LDB2: variants seen among roughly 807,000 people sequenced by gnomAD.
The protein encoded by LDB2 is LIM domain binding 2.
In LDB2, 12 loss-of-function variants were observed where a neutral mutation model predicts 44.3. The ratio of observed to expected loss-of-function variants is 0.27; its 90% confidence interval spans 0.17 to 0.44. LDB2 has a LOEUF of 0.44. LDB2 is among the 20% of genes least tolerant of loss of function. The pLI is 1.00. For synonymous variants in LDB2, 164 were observed against 174.8 expected (o/e 0.94, Z 0.49); for missense variants, 344 against 473.5 (o/e 0.73, Z 2.54).
intron 2 of LDB2, among the ~76,000 whole-genome samples, chr4:16,651,009 C>T (rs779881131): frequency 4.7e-4 from 71 of 152,294 alleles, no homozygotes; most frequent in Middle Eastern, 3.4e-3. Flanking sequence ...CCTTCTTTCA[C>T]CCTATATTTC....
chr4:16,876,072 T>C (rs1322709212), intron 1 of LDB2, among the ~76,000 whole-genome samples: 1 of 152,198 alleles, frequency 6.6e-6, no homozygotes, highest in Non-Finnish European at 1.5e-5. Context: ...GCCACCCTCC[T>C]ATTGGGCCAT....
chr4:16,636,613 A>T (rs1003719610), intron 2 of LDB2, among the ~76,000 whole-genome samples: 2 of 152,104 alleles, frequency 1.3e-5, no homozygotes, highest in Non-Finnish European at 2.9e-5. Flanking sequence ...CTGCATCTTT[A>T]TTCTCTGAGG....
At chr4:16,660,964 C>A (rs1035939357) in intron 2 of LDB2, among the ~76,000 whole-genome samples, 2 of 152,176 alleles carry the variant, frequency 1.3e-5, no homozygotes, top group Admixed American at 6.5e-5. Context: ...GGAATACGTT[C>A]ACATGAGAGC....
At chr4:16,680,477 A>G (rs141877193) in intron 2 of LDB2, among the ~76,000 whole-genome samples, 29 of 152,316 alleles carry the variant, frequency 1.9e-4, no homozygotes, top group African/African-American at 7.0e-4. Flanking sequence ...AATAATCACC[A>G]TTTACAGGGT....
chr4:16,592,725 T>C (rs1037966030), intron 3 of LDB2, among the ~76,000 whole-genome samples: 4 of 151,748 alleles, frequency 2.6e-5, no homozygotes, highest in African/African-American at 7.3e-5. Context: ...TAGTAAACAA[T>C]TGAGAACAGA....
chr4:16,545,103 C>T (rs147281324), intron 5 of LDB2, among the ~76,000 whole-genome samples: 12 of 152,026 alleles, frequency 7.9e-5, no homozygotes, highest in Non-Finnish European at 1.3e-4. Flanking sequence ...TTTGGATCTG[C>T]CTGCTCTCCT....
At chr4:16,710,378 C>T (rs886422650) in intron 2 of LDB2, among the ~76,000 whole-genome samples, 3 of 152,104 alleles carry the variant, frequency 2.0e-5, no homozygotes, top group East Asian at 1.9e-4. Context: ...AGCTTTAAAA[C>T]GTGGAGTGTT....
chr4:16,511,498 A>G (rs569221079), intron 6 of LDB2, among the ~76,000 whole-genome samples: 1 of 152,232 alleles, frequency 6.6e-6, no homozygotes, highest in Non-Finnish European at 1.5e-5. Context: ...TCCTTCATTC[A>G]TCTGTTCCTT....
At chr4:16,692,432 G>A (rs1751005666) in intron 2 of LDB2, among the ~76,000 whole-genome samples, 1 of 152,172 alleles carries the variant, frequency 6.6e-6, no homozygotes, top group African/African-American at 2.4e-5. Context: ...TCTGCCAGCA[G>A]CAGCAAAAGG....
At chr4:16,700,359 T>C (rs1036452970) in intron 2 of LDB2, among the ~76,000 whole-genome samples, 1 of 152,144 alleles carries the variant, frequency 6.6e-6, no homozygotes, top group African/African-American at 2.4e-5. Context: ...AAAATATAAA[T>C]GTTTTAAAAT....
chr4:16,747,100 T>C (rs1764545956), intron 2 of LDB2, among the ~76,000 whole-genome samples: 1 of 152,238 alleles, frequency 6.6e-6, no homozygotes, highest in South Asian at 2.1e-4. Flanking sequence ...CTGAATTTAA[T>C]AAATCTTTTA....
intron 2 of LDB2, among the ~76,000 whole-genome samples, chr4:16,706,108 T>C (rs1754545538): frequency 6.6e-6 from 1 of 152,192 alleles, no homozygotes; most frequent in South Asian, 2.1e-4. Flanking sequence ...TGAATTCTTG[T>C]GTTCCTTTAT....
intron 1 of LDB2, among the ~76,000 whole-genome samples, chr4:16,895,487 C>T (rs1332681930): frequency 6.6e-6 from 1 of 151,976 alleles, no homozygotes; most frequent in East Asian, 1.9e-4. Context: ...GTTTTTCTAG[C>T]CAGGTCCATG....
chr4:16,763,492 T>C (rs1768454121), intron 1 of LDB2, among the ~76,000 whole-genome samples: 1 of 139,942 alleles, frequency 7.1e-6, no homozygotes, highest in Non-Finnish European at 1.6e-5. Flanking sequence ...TTTGAATTAG[T>C]CTTTAGTTAT....
At chr4:16,610,714 A>G (rs778484666) in intron 2 of LDB2, among the ~76,000 whole-genome samples, 1 of 152,202 alleles carries the variant, frequency 6.6e-6, no homozygotes, top group Non-Finnish European at 1.5e-5. Context: ...ACGGGACTTC[A>G]TAAAAAGACC....
chr4:16,518,858 TAGTTG>T (rs1456862530), intron 5 of LDB2, among the ~76,000 whole-genome samples: 1 of 152,176 alleles, frequency 6.6e-6, no homozygotes, highest in East Asian at 1.9e-4. Flanking sequence ...CCCAGTGAAA[TAGTTG>T]AGTTATGTCC....
intron 7 of LDB2, among the ~76,000 whole-genome samples, chr4:16,507,581 G>A (rs767537304): frequency 4.6e-5 from 7 of 152,146 alleles, no homozygotes; most frequent in Admixed American, 2.6e-4. Context: ...TGTACTGGTT[G>A]AGGGATGTAA....
intron 1 of LDB2, among the ~76,000 whole-genome samples, chr4:16,836,856 G>A (rs1456368627): frequency 3.3e-5 from 5 of 152,140 alleles, no homozygotes; most frequent in Non-Finnish European, 7.4e-5. Context: ...TTGAACTTTA[G>A]CACTTTTTAT....
intron 1 of LDB2, among the ~76,000 whole-genome samples, chr4:16,823,715 A>C (rs1366197606): frequency 6.6e-6 from 1 of 152,222 alleles, no homozygotes; most frequent in Non-Finnish European, 1.5e-5. Flanking sequence ...GATGATTAGC[A>C]AGGTACTGCA....
Sources: gnomAD v4.1 joint callset for allele counts (sites outside exome capture counted in the v4.1 genomes callset) on GRCh38, gnomAD v4.1.1 for gene constraint, MANE v1.5 for transcripts, NCBI Gene and HGNC (gene_info 2026-07-23, HGNC 2026-07-21) for gene names.